ANO3: variants seen among roughly 807,000 people sequenced by gnomAD.
ANO3 encodes the protein anoctamin-3.
ANO3 carries 99 observed loss-of-function variants against 144.8 expected under a neutral mutation model. That is an observed-to-expected ratio of 0.68 (90% CI 0.58 to 0.81). ANO3 has a LOEUF of 0.81. Among genes scored for constraint, ANO3 ranks in the 30% least tolerant of loss-of-function variants. The probability of loss-of-function intolerance (pLI) is 0.00; values close to 1 mark genes in which losing one functional copy is unlikely to be tolerated. For missense variants in ANO3, 905 were observed against 1,202.2 expected (o/e 0.75, Z 3.66); for synonymous variants, 414 against 392.6 (o/e 1.05, Z -0.64).
chr11:26,193,990 C>T (rs1390588983), intron 1 of ANO3, among the ~76,000 whole-genome samples: 2 of 152,242 alleles, frequency 1.3e-5, no homozygotes, highest in East Asian at 1.9e-4. Context: ...TCTGACTCCT[C>T]ATATATATTA....
intron 1 of ANO3, among the ~76,000 whole-genome samples, chr11:26,258,907 ATC>A (rs1853119470): frequency 6.6e-6 from 1 of 152,216 alleles, no homozygotes; most frequent in African/African-American, 2.4e-5. Flanking sequence ...TTCATTGAAT[ATC>A]TACTGTGGGC....
At chr11:26,477,283 T>C (rs1221035619) in intron 4 of ANO3, among the ~76,000 whole-genome samples, 1 of 152,082 alleles carries the variant, frequency 6.6e-6, no homozygotes, top group Non-Finnish European at 1.5e-5. Flanking sequence ...GAATTATGCT[T>C]TATATCATTT....
chr11:26,220,658 C>T (rs1406197113), intron 1 of ANO3, among the ~76,000 whole-genome samples: 1 of 152,222 alleles, frequency 6.6e-6, no homozygotes, highest in Non-Finnish European at 1.5e-5. Flanking sequence ...GGACAGGTTT[C>T]TTATCATGTC....
intron 1 of ANO3, among the ~76,000 whole-genome samples, chr11:26,425,516 T>C (rs1444681269): frequency 6.6e-6 from 1 of 152,126 alleles, no homozygotes; most frequent in African/African-American, 2.4e-5. Context: ...TATAGTTTTT[T>C]TTATCTTAAG....
intron 1 of ANO3, among the ~76,000 whole-genome samples, chr11:26,298,443 G>T (rs1289883541): frequency 6.6e-6 from 1 of 152,140 alleles, no homozygotes; most frequent in East Asian, 1.9e-4. Context: ...AATATGAGGG[G>T]TATGGAATAA....
intron 4 of ANO3, among the ~76,000 whole-genome samples, chr11:26,478,314 A>T (rs1860064974): frequency 6.6e-6 from 1 of 152,180 alleles, no homozygotes; most frequent in Non-Finnish European, 1.5e-5. Context: ...CTAAAACAAG[A>T]TGAAAACAAC....
chr11:26,648,848 GGGCATGT>G (rs1454253435), intron 24 of ANO3, among the ~76,000 whole-genome samples: 3 of 152,186 alleles, frequency 2.0e-5, no homozygotes, highest in African/African-American at 7.2e-5. Context: ...TCCGGATGCA[GGGCATGT>G]GCCACAACAG....
intron 1 of ANO3, among the ~76,000 whole-genome samples, chr11:26,297,155 C>A (rs1854109957): frequency 6.6e-6 from 1 of 151,516 alleles, no homozygotes; most frequent in South Asian, 2.1e-4. Flanking sequence ...CTTCTTCTGG[C>A]TGAACATCCC....
At chr11:26,279,727 G>A (rs1159868654) in intron 1 of ANO3, among the ~76,000 whole-genome samples, 1 of 152,120 alleles carries the variant, frequency 6.6e-6, no homozygotes, top group Non-Finnish European at 1.5e-5. Flanking sequence ...GTGACAACTG[G>A]GAGTGAGGCT....
chr11:26,207,278 C>CA lies in ANO3; in HGVS notation c.154+17954dup, dbSNP rs371362884. ...AATAAGTAAAAGTATAAATGGCTTACAAAAAATCAGTTTCTTAAATGCATA... is the reference window on the plus strand; with the variant it reads ...AATAAGTAAAAGTATAAATGGCTTACAAAAAAATCAGTTTCTTAAATGCATA... On this transcript the variant is annotated intron_variant, in intron 1 of 27. Coordinates refer to the ANO3 transcript ENST00000672621. Among the ~76,000 whole-genome samples the CA allele has an allele frequency of 6.9e-4, 105 of 152,144 alleles. 1 individual carries two copies. The highest frequency in any genetic ancestry group is 3.4e-3 in the Middle Eastern group (1 of 294).
chr11:26,541,863 T>G, intron 10 of ANO3, 84 bp from the exon 11 acceptor site: 2 of 1,301,370 alleles, frequency 1.5e-6, no homozygotes, highest in Admixed American at 2.7e-5. Context: ...TGTTAAATTA[T>G]TCTGCAAGGG....
chr11:26,286,175 A>G (rs1170308798), intron 1 of ANO3: 2 of 152,224 alleles, frequency 1.3e-5, no homozygotes, highest in Non-Finnish European at 2.9e-5. Context: ...ACAAAGGGAA[A>G]AATAGTTCAC....
At chr11:26,619,339 C>T (rs1396615492) in intron 17 of ANO3, among the ~76,000 whole-genome samples, 3 of 151,968 alleles carry the variant, frequency 2.0e-5, no homozygotes, top group Admixed American at 6.5e-5. Flanking sequence ...AAAATATGGG[C>T]TAATACAATC....
chr11:26,650,108 T>A (rs190553840), intron 24 of ANO3, among the ~76,000 whole-genome samples: 50 of 152,232 alleles, frequency 3.3e-4, no homozygotes, highest in African/African-American at 1.1e-3. Context: ...CAAGCAAAGA[T>A]GTGGAGGGCT....
Position 26,395,389 on chromosome 11 carries a change from T to C in ANO3, c.47-46529T>C, listed in dbSNP as rs187933117. 4.3e-4 allele frequency among the ~76,000 whole-genome samples: 65 copies of C among 152,310 alleles called. 1 individual carries two copies. In the East Asian group the frequency reaches 0.012, roughly 29 times the overall value. On this transcript the variant is annotated intron_variant, in intron 1 of 26. Transcript: ENST00000256737. ...GGGCAGTATGGCCATTTTCACAATATTGATTCTTCCTCTCCTTGAGCAAAG... is the reference window on the plus strand; with the variant it reads ...GGGCAGTATGGCCATTTTCACAATACTGATTCTTCCTCTCCTTGAGCAAAG...
chr11:26,422,588 T>C (rs937565031), intron 1 of ANO3, among the ~76,000 whole-genome samples: 2 of 152,054 alleles, frequency 1.3e-5, no homozygotes, highest in Admixed American at 6.6e-5. Flanking sequence ...ACATTTCCTA[T>C]GGGTTTACAG....
chr11:26,192,725 A>AG (rs1851502165), intron 1 of ANO3, among the ~76,000 whole-genome samples: 1 of 152,060 alleles, frequency 6.6e-6, no homozygotes, highest in African/African-American at 2.4e-5. Context: ...GGTGAGGGGG[A>AG]GCAGGACAGC....
chr11:26,404,878 A>G (rs1420112285), intron 1 of ANO3, among the ~76,000 whole-genome samples: 1 of 151,538 alleles, frequency 6.6e-6, no homozygotes, highest in Non-Finnish European at 1.5e-5. Flanking sequence ...ACATTACTAA[A>G]TCTTGGAAGA....
intron 8 of ANO3, among the ~76,000 whole-genome samples, chr11:26,534,072 T>C (rs1030891922): frequency 2.0e-5 from 3 of 152,182 alleles, no homozygotes; most frequent in Non-Finnish European, 4.4e-5. Flanking sequence ...TGATTTTTCA[T>C]TGTTAAGGCT....
Sources: gnomAD v4.1 joint callset for allele counts (sites outside exome capture counted in the v4.1 genomes callset) on GRCh38, gnomAD v4.1.1 for gene constraint, MANE v1.5 for transcripts, NCBI Gene and HGNC (gene_info 2026-07-23, HGNC 2026-07-21) for gene names.